Variants in KDM7A observed in about 807,000 individuals in gnomAD.
The protein encoded by KDM7A is lysine-specific demethylase 7A.
KDM7A carries 28 observed loss-of-function variants against 114.8 expected under a neutral mutation model. The observed-to-expected ratio is 0.24, with a 90% CI of 0.18 to 0.33. KDM7A has a LOEUF of 0.33. KDM7A is among the 10% of genes least tolerant of loss of function. The pLI is 1.00. For synonymous variants in KDM7A, 423 were observed against 397.8 expected, an observed-to-expected ratio of 1.06 and a Z score of -0.75; for missense variants, 942 against 1,142.5, an observed-to-expected ratio of 0.82 and a Z score of 2.53.
intron 1 of KDM7A, among the ~76,000 whole-genome samples, chr7:140,143,819 A>C (rs1488974883): frequency 6.6e-6 from 1 of 152,242 alleles, no homozygotes; most frequent in Non-Finnish European, 1.5e-5. Flanking sequence ...AAATCAAGCT[A>C]TTACACTTTG....
chr7:140,111,456 C>CA (rs1818430467), intron 10 of KDM7A, among the ~76,000 whole-genome samples: 1 of 152,142 alleles, frequency 6.6e-6, no homozygotes, highest in African/African-American at 2.4e-5. Flanking sequence ...CTCTACTCCT[C>CA]AAAGCCTACT....
rs1301621050 is a variant in KDM7A at position 140,122,054 on chromosome 7, T to C, written c.1052-1525A>G. Reference sequence around the variant, plus strand: ...ACTCCAGATCCACAGAATCCGAACCTTGGCCATGACGTCCAGCAATCTGTG... The same window carrying C: ...ACTCCAGATCCACAGAATCCGAACCCTGGCCATGACGTCCAGCAATCTGTG... On this transcript the variant is annotated intron_variant, in intron 7 of 19. Coordinates refer to ENST00000397560, the MANE Select transcript of KDM7A (RefSeq NM_030647.2). Among the ~76,000 whole-genome samples the C allele has an allele frequency of 2.0e-5, 3 of 152,294 alleles. No homozygotes were observed. The East Asian group carries it at 5.8e-4, about 29-fold the overall frequency.
At chr7:140,153,750 A>G (rs895897190) in intron 1 of KDM7A, among the ~76,000 whole-genome samples, 1 of 152,182 alleles carries the variant, frequency 6.6e-6, no homozygotes, top group African/African-American at 2.4e-5. Context: ...GAGTTCCGCA[A>G]ATGGCGGCAG....
chr7:140,097,356 CTA>C (rs1285040260), intron 15 of KDM7A, among the ~76,000 whole-genome samples, 187 bp downstream of exon 15: 4 of 152,210 alleles, frequency 2.6e-5, no homozygotes, highest in Admixed American at 6.5e-5. Context: ...GACAAAAGCT[CTA>C]TGTCTCAAAT....
rs554112552 is a variant in KDM7A, at chr7:140,094,165, C to A, written c.2375-27G>T. ...TAAAGAGAAGTTTTAGTTTAATTAA[C>A]TTTGCACAAACTTGATTTGAAATGA... On this transcript the variant is annotated intron_variant, in intron 17 of 19. Transcript: ENST00000397560. 6.7e-6 allele frequency: 9 copies of A among 1,342,648 alleles called. No homozygotes were observed. The African/African-American group carries it at 1.3e-4, about 19-fold the overall frequency. 83.2% of individuals were successfully genotyped at this position (1,342,648 alleles called of 1,614,324 possible).
In KDM7A at chr7:140,090,853, C is replaced by A. The variant is rs1818006108; in HGVS notation, c.*241G>T. 3 of 451,828 alleles carry A rather than the reference C, an allele frequency of 6.6e-6. No homozygotes were observed. Among genetic ancestry groups the A allele is most frequent in the Non-Finnish European group, 7.9e-6 (2 of 254,142 alleles). The allele number at this position is 451,828 out of a possible 1,614,324, so 28.0% of individuals were successfully genotyped here. On this transcript the variant is annotated 3_prime_UTR_variant, in exon 20 of 20. Transcript: ENST00000397560. The stretch of plus-strand genomic sequence containing the variant: ...TTCAAGCCCTGACAAGAGACCCTTT[C>A]CAGTTCAAGGTCTCTTTTTAAGGTT...
chr7:140,155,117 C>G (rs909112894), intron 1 of KDM7A, among the ~76,000 whole-genome samples: 1 of 152,116 alleles, frequency 6.6e-6, no homozygotes, highest in African/African-American at 2.4e-5. Flanking sequence ...CTAAAACTAT[C>G]TTTTTAACCT....
intron 11 of KDM7A, among the ~76,000 whole-genome samples, chr7:140,109,704 T>A (rs1022209525): frequency 1.3e-5 from 2 of 152,206 alleles, no homozygotes; most frequent in Non-Finnish European, 2.9e-5. Flanking sequence ...TGAATTCCTA[T>A]CATGCAAGAT....
In KDM7A at chr7:140,101,484, T is replaced by C. The variant is rs994515512; in HGVS notation, c.1638+467A>G. ...GTCGGTTCAAACCTGAGAGGCTCTC[T>C]GACCACCTTAGCTAAAGCAGCCAGC... On this transcript the variant is annotated intron_variant, in intron 12 of 19. Coordinates refer to ENST00000397560, the MANE Select transcript of KDM7A (RefSeq NM_030647.2). 3.9e-5 allele frequency among the ~76,000 whole-genome samples: 6 copies of C among 152,354 alleles called. No homozygotes were observed. The East Asian group carries it at 9.6e-4, about 24-fold the overall frequency.
At chr7:140,124,919 T>C (rs189982604) in intron 6 of KDM7A, 136 bp from the exon 7 acceptor site, 5 of 619,360 alleles carry the variant, frequency 8.1e-6, no homozygotes, top group Non-Finnish European at 1.1e-5. Context: ...AAAAGACATA[T>C]TTCACACACC....
intron 1 of KDM7A, among the ~76,000 whole-genome samples, chr7:140,141,262 C>T (rs771062735): frequency 6.6e-6 from 1 of 152,074 alleles, no homozygotes; most frequent in African/African-American, 2.4e-5. Flanking sequence ...CAATCAAGAT[C>T]GGTGGAACCT....
chr7:140,135,367 T>C (rs1818851819), intron 2 of KDM7A, among the ~76,000 whole-genome samples: 1 of 152,056 alleles, frequency 6.6e-6, no homozygotes. Context: ...CACATTCGGC[T>C]AATTTTTTGT....
At chr7:140,121,073 C>G (rs1477501342) in intron 7 of KDM7A, among the ~76,000 whole-genome samples, 2 of 151,988 alleles carry the variant, frequency 1.3e-5, no homozygotes, top group African/African-American at 2.4e-5. Context: ...AAATCAGTGC[C>G]CCGAAAGGAC....
chr7:140,151,111 G>T (rs1048933413), intron 1 of KDM7A, among the ~76,000 whole-genome samples: 1 of 152,032 alleles, frequency 6.6e-6, no homozygotes, highest in Non-Finnish European at 1.5e-5. Flanking sequence ...GATTACAGGC[G>T]TGAGCCACCG....
chr7:140,143,371 GGT>G (rs1794307055), intron 1 of KDM7A, among the ~76,000 whole-genome samples: 2 of 151,886 alleles, frequency 1.3e-5, no homozygotes, highest in South Asian at 4.1e-4. Context: ...GATGGCAGGT[GGT>G]GTCCTGGGGT....
At chr7:140,113,675 T>C (rs1562949788) in intron 9 of KDM7A, 93 bp from the exon 10 acceptor site, 1 of 546,510 alleles carries the variant, frequency 1.8e-6, no homozygotes, top group Non-Finnish European at 3.3e-6. Context: ...CCACCAAATA[T>C]AAAACTATAT....
intron 1 of KDM7A, among the ~76,000 whole-genome samples, chr7:140,155,545 G>T (rs1484984197): frequency 6.6e-6 from 1 of 152,154 alleles, no homozygotes; most frequent in Non-Finnish European, 1.5e-5. Flanking sequence ...AATACGGAGT[G>T]GGCAATTTAA....
At chr7:140,144,490 A>G (rs537129477) in intron 1 of KDM7A, among the ~76,000 whole-genome samples, 2 of 152,312 alleles carry the variant, frequency 1.3e-5, no homozygotes, top group East Asian at 3.9e-4. Flanking sequence ...AAGAAAAAGT[A>G]GATAAACTGG....
chr7:140,173,042 A>C (rs1794664260), intron 1 of KDM7A, among the ~76,000 whole-genome samples: 2 of 152,214 alleles, frequency 1.3e-5, no homozygotes, highest in African/African-American at 4.8e-5. Flanking sequence ...AGAAACTCTA[A>C]TACAATTCAA....
Sources: gnomAD v4.1 joint callset for allele counts (sites outside exome capture counted in the v4.1 genomes callset) on GRCh38, gnomAD v4.1.1 for gene constraint, MANE v1.5 for transcripts, NCBI Gene and HGNC (gene_info 2026-07-23, HGNC 2026-07-21) for gene names.